BNC2: variants seen among roughly 807,000 people sequenced by gnomAD.
BNC2 encodes zinc finger protein basonuclin-2.
A neutral mutation model predicts 76.3 loss-of-function variants in BNC2; 20 were observed. The ratio of observed to expected loss-of-function variants is 0.26; its 90% CI spans 0.18 to 0.38. The LOEUF (loss-of-function observed/expected upper bound fraction) is 0.38, where lower values mean the gene tolerates loss of function less well. BNC2 is among the 10% of genes least tolerant of loss of function. BNC2 has a pLI of 1.00. For synonymous variants in BNC2, 582 were observed against 514.8 expected, an observed-to-expected ratio of 1.13 and a Z score of -1.77; for missense variants, 1,382 against 1,399.8, an observed-to-expected ratio of 0.99 and a Z score of 0.20.
chr9:16,800,184 C>A (rs1160201809), intron 1 of BNC2, among the ~76,000 whole-genome samples: 2 of 150,490 alleles, frequency 1.3e-5, no homozygotes, highest in Admixed American at 6.6e-5. Flanking sequence ...GAGATTGCAC[C>A]ACTGCACGCC....
At chr9:16,544,489 A>G (rs1302415350) in intron 5 of BNC2, among the ~76,000 whole-genome samples, 2 of 152,168 alleles carry the variant, frequency 1.3e-5, no homozygotes, top group Non-Finnish European at 2.9e-5. Context: ...AGGGAAATAT[A>G]AAGGTGATAA....
chr9:16,719,279 T>A (rs564017156), intron 3 of BNC2, among the ~76,000 whole-genome samples: 3 of 152,270 alleles, frequency 2.0e-5, no homozygotes, highest in South Asian at 4.2e-4. Flanking sequence ...TGATCAGGTG[T>A]CCCAAATAGC....
At chr9:16,827,987 C>T (rs1586916377) in intron 1 of BNC2, among the ~76,000 whole-genome samples, 1 of 152,168 alleles carries the variant, frequency 6.6e-6, no homozygotes, top group East Asian at 1.9e-4. Context: ...CTTATATATC[C>T]ATTATAAACT....
chr9:16,823,473 T>C (rs1351444203), intron 1 of BNC2, among the ~76,000 whole-genome samples: 1 of 150,414 alleles, frequency 6.6e-6, no homozygotes, highest in African/African-American at 2.4e-5. Context: ...TGTGGTGGCA[T>C]GTCCCTGTGT....
At chr9:16,571,827 T>C (rs1179691045) in intron 4 of BNC2, among the ~76,000 whole-genome samples, 1 of 152,166 alleles carries the variant, frequency 6.6e-6, no homozygotes, top group African/African-American at 2.4e-5. Context: ...CTGACACAGA[T>C]TCTGCAGACA....
At chr9:16,492,132 T>C (rs1427153463) in intron 5 of BNC2, among the ~76,000 whole-genome samples, 1 of 151,980 alleles carries the variant, frequency 6.6e-6, no homozygotes, top group Non-Finnish European at 1.5e-5. Context: ...ACAATGTTTT[T>C]TTCTTTTTTT....
intron 1 of BNC2, among the ~76,000 whole-genome samples, chr9:16,745,049 A>C (rs1166073478): frequency 6.6e-6 from 1 of 152,176 alleles, no homozygotes; most frequent in African/African-American, 2.4e-5. Flanking sequence ...TAACTGCAGA[A>C]CCTTTTACTA....
At position 16,665,413 on chromosome 9, in the gene BNC2, AAGAAAGGAAAGAAAG is replaced by A. The variant is rs1169504349; in HGVS notation, c.330+62369_330+62383del. Among the ~76,000 whole-genome samples the A allele has an allele frequency of 8.8e-3, 1,262 of 143,828 alleles. 9 individuals are homozygous for A. Among genetic ancestry groups the A allele is most frequent in the Non-Finnish European group, 0.013 (850 of 66,320 alleles). The allele number at this position is 143,828 out of a possible 152,430, so 94.4% of individuals were successfully genotyped here. A position where few individuals can be genotyped will look rare whatever the true frequency, so the allele number is the denominator to read the frequency against. ...GAGAGAGAGAGAGAGAAAGAGAGAA[AAGAAAGGAAAGAAAG>A]GAAAGAAAAGAAAGAAAGAAAGAAA... On this transcript the variant is annotated intron_variant, in intron 3 of 6. Coordinates refer to ENST00000380672, the MANE Select transcript of BNC2 (RefSeq NM_017637.6).
intron 5 of BNC2, among the ~76,000 whole-genome samples, chr9:16,493,109 G>A (rs1346439709): frequency 6.6e-6 from 1 of 152,080 alleles, no homozygotes; most frequent in Non-Finnish European, 1.5e-5. Context: ...AAGCCACTTT[G>A]TTTTCACGTA....
chr9:16,621,798 C>T (rs751214699), intron 3 of BNC2, among the ~76,000 whole-genome samples: 40 of 151,628 alleles, frequency 2.6e-4, no homozygotes, highest in Admixed American at 4.6e-4. Context: ...TTTGAAGGCT[C>T]AGAATGAAAA....
intron 1 of BNC2, among the ~76,000 whole-genome samples, chr9:16,777,337 G>C (rs893432614): frequency 1.3e-5 from 2 of 151,992 alleles, no homozygotes; most frequent in Admixed American, 6.6e-5. Flanking sequence ...ATATTCAAAA[G>C]ACCTGTGAAA....
chr9:16,443,859 T>A (rs1156946648), intron 5 of BNC2, among the ~76,000 whole-genome samples: 1 of 152,202 alleles, frequency 6.6e-6, no homozygotes, highest in East Asian at 1.9e-4. Flanking sequence ...AAAGCAACAC[T>A]AGGGAACTTT....
At chr9:16,450,833 T>C (rs1821325025) in intron 5 of BNC2, among the ~76,000 whole-genome samples, 2 of 152,220 alleles carry the variant, frequency 1.3e-5, no homozygotes, top group South Asian at 4.1e-4. Flanking sequence ...GTAATCTCAG[T>C]GTCTGTCCTG....
chr9:16,670,428 C>T (rs1032909293), intron 3 of BNC2, among the ~76,000 whole-genome samples: 6 of 152,158 alleles, frequency 3.9e-5, no homozygotes, highest in Admixed American at 3.3e-4. Flanking sequence ...CATCTTCCCA[C>T]CTCTGCCTCC....
At position 16,665,386 on chromosome 9, in the gene BNC2, A is replaced by AAGAGAGAGAGAGAG. The variant is rs55852227; in HGVS notation, c.330+62397_330+62410dup. ...CCTCTGTCTCAAAAAAAAAAAAAAAAAGAGAGAGAGAGAGAGAAAGAGAGA... is the reference window on the plus strand; with the variant it reads ...CCTCTGTCTCAAAAAAAAAAAAAAAAAGAGAGAGAGAGAGAGAGAGAGAGAGAGAGAAAGAGAGA... On this transcript the variant is annotated intron_variant, in intron 3 of 6. Coordinates refer to ENST00000380672, the MANE Select transcript of BNC2 (RefSeq NM_017637.6). Among the ~76,000 whole-genome samples the AAGAGAGAGAGAGAG allele has an allele frequency of 3.1e-4, 26 of 84,286 alleles. 1 individual carries two copies. The highest frequency in any genetic ancestry group is 1.2e-3 in the African/African-American group (24 of 20,514). The allele number at this position is 84,286 out of a possible 152,430, so 55.3% of individuals were successfully genotyped here. A position where few individuals can be genotyped will look rare whatever the true frequency, so the allele number is the denominator to read the frequency against.
chr9:16,801,914 A>G (rs1817793337), intron 1 of BNC2, among the ~76,000 whole-genome samples: 1 of 152,164 alleles, frequency 6.6e-6, no homozygotes, highest in African/African-American at 2.4e-5. Context: ...TCATTATATA[A>G]GTAAAACAGC....
intron 3 of BNC2, among the ~76,000 whole-genome samples, chr9:16,638,566 T>A (rs1821395457): frequency 6.6e-6 from 1 of 152,198 alleles, no homozygotes; most frequent in Admixed American, 6.5e-5. Context: ...TTCTCCCCTG[T>A]ACCCCTCAAA....
intron 1 of BNC2, among the ~76,000 whole-genome samples, chr9:16,767,473 T>A (rs1317307508): frequency 1.3e-5 from 2 of 151,958 alleles, no homozygotes; most frequent in African/African-American, 4.8e-5. Flanking sequence ...CCAGGGAGGA[T>A]TTTTTTTGTA....
chr9:16,514,033 C>T (rs541697664), intron 5 of BNC2, among the ~76,000 whole-genome samples: 3 of 152,304 alleles, frequency 2.0e-5, no homozygotes, highest in African/African-American at 4.8e-5. Context: ...ATCACCTATA[C>T]GTGTGGCTAT....
Sources: gnomAD v4.1 joint callset for allele counts (sites outside exome capture counted in the v4.1 genomes callset) on GRCh38, gnomAD v4.1.1 for gene constraint, MANE v1.5 for transcripts, NCBI Gene and HGNC (gene_info 2026-07-23, HGNC 2026-07-21) for gene names.